The following NTM variants were observed in gnomAD, a reference collection of about 807,000 sequenced individuals.
NTM encodes the protein IgLON family member 2.
Under a neutral mutation model 42.1 loss-of-function variants are expected in NTM, and 13 were observed. The observed-to-expected ratio is 0.31, with a 90% confidence interval of 0.20 to 0.49. NTM has a LOEUF of 0.49. NTM is among the 20% of genes least tolerant of loss of function. The probability of loss-of-function intolerance (pLI) is 0.99; values close to 1 mark genes in which losing one functional copy is unlikely to be tolerated. For synonymous variants in NTM, 187 were observed against 179.2 expected, an observed-to-expected ratio of 1.04 and a Z score of -0.35; for missense variants, 373 against 452.8, an observed-to-expected ratio of 0.82 and a Z score of 1.60.
At chr11:131,646,230 C>A (rs1449581239) in intron 1 of NTM, among the ~76,000 whole-genome samples, 1 of 152,200 alleles carries the variant, frequency 6.6e-6, no homozygotes, top group African/African-American at 2.4e-5. Flanking sequence ...CTCATATGGT[C>A]TGTGGTTGCT....
intron 1 of NTM, among the ~76,000 whole-genome samples, chr11:131,839,511 G>A (rs1436318884): frequency 1.3e-5 from 2 of 152,180 alleles, no homozygotes; most frequent in African/African-American, 4.8e-5. Context: ...TGCTCAGTGT[G>A]CAGCAAGGTC....
chr11:131,972,689 G>A (rs118014728), intron 2 of NTM, among the ~76,000 whole-genome samples: 66 of 152,192 alleles, frequency 4.3e-4, no homozygotes, highest in East Asian at 3.9e-3. Context: ...TGGAACCCCC[G>A]CATAATGTGG....
intron 1 of NTM, among the ~76,000 whole-genome samples, chr11:131,493,704 T>A (rs140571247): frequency 6.6e-6 from 1 of 152,200 alleles, no homozygotes; most frequent in African/African-American, 2.4e-5. Context: ...TTAAGTGACT[T>A]TTCCAAAGGA....
At chr11:132,094,457 T>G (rs2060724260) in intron 2 of NTM, among the ~76,000 whole-genome samples, 1 of 152,172 alleles carries the variant, frequency 6.6e-6, no homozygotes, top group Non-Finnish European at 1.5e-5. Context: ...CTGTGGCTAC[T>G]CGGGTGTCTC....
intron 1 of NTM, among the ~76,000 whole-genome samples, chr11:131,790,189 T>A (rs1260979696): frequency 6.6e-6 from 1 of 152,068 alleles, no homozygotes; most frequent in Non-Finnish European, 1.5e-5. Context: ...AGAAAAAGAT[T>A]GATAAGATCA....
chr11:132,050,744 T>C, intron 2 of NTM, among the ~76,000 whole-genome samples: 1 of 152,138 alleles, frequency 6.6e-6, no homozygotes, highest in East Asian at 1.9e-4. Context: ...GGCCACCAGA[T>C]GTGGGGCACA....
chr11:131,608,761 T>C (rs1272411833), intron 1 of NTM, among the ~76,000 whole-genome samples: 3 of 152,222 alleles, frequency 2.0e-5, no homozygotes, highest in Admixed American at 1.3e-4. Context: ...TCTCTCTCTT[T>C]AAATGTGCCC....
intron 1 of NTM, among the ~76,000 whole-genome samples, chr11:131,555,341 CAG>C (rs1167177146): frequency 6.6e-6 from 1 of 152,174 alleles, no homozygotes; most frequent in Non-Finnish European, 1.5e-5. Context: ...GACAGGATAA[CAG>C]AGCAGAATTC....
intron 1 of NTM, among the ~76,000 whole-genome samples, chr11:131,588,544 G>A (rs2059082680): frequency 6.6e-6 from 1 of 152,132 alleles, no homozygotes; most frequent in Non-Finnish European, 1.5e-5. Context: ...ATCTGGGTAG[G>A]GCAAGGACAC....
chr11:131,459,044 C>T (rs1247577711), intron 1 of NTM, among the ~76,000 whole-genome samples: 1 of 152,254 alleles, frequency 6.6e-6, no homozygotes, highest in Non-Finnish European at 1.5e-5. Context: ...TACATAAAGG[C>T]ATCTGGCCAG....
intron 1 of NTM, among the ~76,000 whole-genome samples, chr11:131,564,744 T>G (rs894690740): frequency 2.3e-4 from 35 of 152,212 alleles, no homozygotes; most frequent in African/African-American, 8.4e-4. Context: ...TCTAGCCCCT[T>G]AACAATTGTG....
chr11:132,163,984 G>C (rs1050525719), intron 3 of NTM, among the ~76,000 whole-genome samples: 2 of 152,186 alleles, frequency 1.3e-5, no homozygotes, highest in African/African-American at 4.8e-5. Flanking sequence ...ACATGAAACT[G>C]AAGAGGTTAG....
intron 1 of NTM, among the ~76,000 whole-genome samples, chr11:131,495,033 T>A (rs1222609791): frequency 1.3e-5 from 2 of 152,222 alleles, no homozygotes; most frequent in Admixed American, 6.5e-5. Flanking sequence ...GGATGGTTCA[T>A]TGACTATTAT....
At chr11:132,114,393 A>G (rs2136811917) in intron 2 of NTM, among the ~76,000 whole-genome samples, 1 of 152,256 alleles carries the variant, frequency 6.6e-6, no homozygotes, top group East Asian at 1.9e-4. Flanking sequence ...CGAGAGGGCA[A>G]TGCAGGGCAC....
At chr11:131,473,301 C>G (rs2136190375) in intron 1 of NTM, among the ~76,000 whole-genome samples, 1 of 152,190 alleles carries the variant, frequency 6.6e-6, no homozygotes, top group Non-Finnish European at 1.5e-5. Context: ...TGTCCAAACA[C>G]AAATCTCCCA....
At chr11:131,543,068 C>T (rs2053494060) in intron 1 of NTM, among the ~76,000 whole-genome samples, 1 of 152,198 alleles carries the variant, frequency 6.6e-6, no homozygotes, top group African/African-American at 2.4e-5. Flanking sequence ...TGAGGATGAA[C>T]ACGTGACTTC....
At chr11:132,134,707 A>ATG (rs2067464793) in intron 2 of NTM, among the ~76,000 whole-genome samples, 8 of 20,856 alleles carry the variant, frequency 3.8e-4, no homozygotes, top group African/African-American at 2.0e-3. Flanking sequence ...ATTCCATGGT[A>ATG]TATATATATA....
intron 1 of NTM, among the ~76,000 whole-genome samples, chr11:131,496,727 A>G (rs184462333): frequency 6.6e-6 from 1 of 152,352 alleles, no homozygotes; most frequent in Admixed American, 6.5e-5. Flanking sequence ...AGTGCCTGAC[A>G]TGAATCCCAA....
At chr11:132,024,035 G>T (rs189822661) in intron 2 of NTM, among the ~76,000 whole-genome samples, 6 of 151,994 alleles carry the variant, frequency 3.9e-5, no homozygotes, top group African/African-American at 9.7e-5. Context: ...TAGCCAGGAG[G>T]TCTCGATCTC....
Sources: gnomAD v4.1 joint callset for allele counts (sites outside exome capture counted in the v4.1 genomes callset) on GRCh38, gnomAD v4.1.1 for gene constraint, MANE v1.5 for transcripts, NCBI Gene and HGNC (gene_info 2026-07-23, HGNC 2026-07-21) for gene names.